The following CADPS variants were observed in gnomAD, a reference collection of about 807,000 sequenced individuals.
CADPS encodes calcium-dependent secretion activator 1.
CADPS carries 57 observed loss-of-function variants against 167.3 expected under a neutral mutation model. The observed-to-expected ratio is 0.34, with a 90% CI of 0.28 to 0.42. The LOEUF (loss-of-function observed/expected upper bound fraction) is 0.42. Ranked by LOEUF, CADPS falls within the 20% of genes least tolerant of loss-of-function variation. The pLI, the probability that CADPS is intolerant of heterozygous loss-of-function variation, is 1.00. For missense variants in CADPS, 1,414 were observed against 1,738.1 expected (o/e 0.81, Z 3.32); for synonymous variants, 676 against 635.3 (o/e 1.06, Z -0.96).
chr3:62,789,251 G>A (rs2092728226), intron 1 of CADPS, among the ~76,000 whole-genome samples: 2 of 152,066 alleles, frequency 1.3e-5, no homozygotes, highest in African/African-American at 4.8e-5. Context: ...ACAATACTGA[G>A]AAATAAGCAC....
intron 3 of CADPS, among the ~76,000 whole-genome samples, chr3:62,720,192 A>G (rs1309750383): frequency 6.6e-6 from 1 of 152,146 alleles, no homozygotes; most frequent in Non-Finnish European, 1.5e-5. Context: ...ATAGATAGCA[A>G]CAACAATAAT....
chr3:62,579,211 G>A (rs552293996), intron 8 of CADPS, among the ~76,000 whole-genome samples: 45 of 152,300 alleles, frequency 3.0e-4, no homozygotes, highest in Middle Eastern at 6.8e-3. Context: ...GTTAAGGTTG[G>A]ATCGAAAGCA....
chr3:62,748,466 T>G (rs1427775563), intron 3 of CADPS, among the ~76,000 whole-genome samples: 3 of 151,682 alleles, frequency 2.0e-5, no homozygotes, highest in Non-Finnish European at 4.4e-5. Context: ...TAGTTAAGGA[T>G]AACTTATAAA....
intron 9 of CADPS, among the ~76,000 whole-genome samples, chr3:62,560,552 A>C (rs1464700484): frequency 1.3e-5 from 2 of 152,162 alleles, no homozygotes; most frequent in Non-Finnish European, 2.9e-5. Flanking sequence ...AGACATCTGA[A>C]AGTGCACTTT....
chr3:62,499,526 G>T (rs533712808), intron 17 of CADPS: 2 of 277,662 alleles, frequency 7.2e-6, no homozygotes, highest in Admixed American at 4.5e-5. Flanking sequence ...GTCTATGACA[G>T]CCCATATCAA....
intron 3 of CADPS, among the ~76,000 whole-genome samples, chr3:62,722,089 A>G (rs1359321163): frequency 6.6e-6 from 1 of 152,246 alleles, no homozygotes; most frequent in Non-Finnish European, 1.5e-5. Flanking sequence ...AGTTGAGGAA[A>G]TGCAGGCTTG....
intron 9 of CADPS, 104 bp downstream of exon 9, chr3:62,570,768 T>A: frequency 2.5e-6 from 2 of 789,230 alleles, no homozygotes; most frequent in Non-Finnish European, 4.4e-6. Context: ...TTAAGCTAAA[T>A]GCATGAGCTC....
intron 1 of CADPS, among the ~76,000 whole-genome samples, chr3:62,849,052 G>A (rs1202913116): frequency 1.3e-5 from 2 of 149,962 alleles, no homozygotes; most frequent in Non-Finnish European, 1.5e-5. Flanking sequence ...ATTGTGAATG[G>A]GAGTTCACTC....
intron 9 of CADPS, among the ~76,000 whole-genome samples, chr3:62,559,623 T>G (rs1384035219): frequency 6.6e-6 from 1 of 152,034 alleles, no homozygotes; most frequent in Non-Finnish European, 1.5e-5. Context: ...GCCTCCTGAG[T>G]AGCTGGGATT....
At position 62,433,018 on chromosome 3, in the gene CADPS, C is replaced by T. The variant is rs927649157; in HGVS notation, c.3777+5086G>A. Among the ~76,000 whole-genome samples the T allele has an allele frequency of 6.6e-6, 1 of 152,122 alleles. No homozygotes were observed. The highest frequency in any genetic ancestry group is 2.4e-5 in the African/African-American group (1 of 41,420). On this transcript the variant is annotated intron_variant, in intron 28 of 29. Coordinates refer to ENST00000383710, the MANE Select transcript of CADPS (RefSeq NM_003716.4). The surrounding 1 kb of genome is among the most constrained non-coding windows in gnomAD (Gnocchi z 4.7). ...ACTTCATATTTTTGGAAGTGGTTTCCCTTACCTGGACAGCTGGTGATATAC... is the reference window on the plus strand; with the variant it reads ...ACTTCATATTTTTGGAAGTGGTTTCTCTTACCTGGACAGCTGGTGATATAC...
chr3:62,414,897 C>A (rs2049719542), intron 28 of CADPS, among the ~76,000 whole-genome samples: 1 of 151,986 alleles, frequency 6.6e-6, no homozygotes, highest in Non-Finnish European at 1.5e-5. Flanking sequence ...CAAACCCACT[C>A]TCCCCTCAAA....
Position 62,399,613 on chromosome 3 carries a change from G to A in CADPS, c.3883-28C>T, listed in dbSNP as rs773221741. The A allele has an allele frequency of 1.8e-5, 28 of 1,590,322 alleles. No individual in the cohort carries two copies. The highest frequency in any genetic ancestry group is 2.2e-5 in the Non-Finnish European group (26 of 1,159,576). Reference sequence around the variant, plus strand: ...AAGGAAGGAAAAGATACAGTGATAAGAGAGATCTCATCTCCATGATGGGGA... The same window carrying A: ...AAGGAAGGAAAAGATACAGTGATAAAAGAGATCTCATCTCCATGATGGGGA... On this transcript the variant is annotated intron_variant, in intron 29 of 29. Coordinates refer to ENST00000383710, the MANE Select transcript of CADPS (RefSeq NM_003716.4). This position sits in a 1 kb window ranked among gnomAD's most constrained non-coding sequence, Gnocchi z 5.6.
In CADPS at chr3:62,478,270, C is replaced by G; in HGVS notation, c.3320G>C (p.Cys1107Ser). The change falls in exon 23 of 30, where the codon TGT (cysteine) becomes TCT (serine). Residue 1107 changes from cysteine to serine, a missense_variant. Transcript: ENST00000383710. This position sits in a 1 kb window ranked among gnomAD's most constrained non-coding sequence, Gnocchi z 5.7. ...KLMASDMIES[C>S]VKRTRIAFEV... ...AGCCACCTATACTTACCTTTTGACA[C>G]AAGATTCGATCATGTCACTTGCCAT... The G allele has an allele frequency of 6.2e-7, 1 of 1,613,748 alleles. No homozygotes were observed. Among genetic ancestry groups the G allele is most frequent in the Non-Finnish European group, 8.5e-7 (1 of 1,179,808 alleles).
intron 3 of CADPS, among the ~76,000 whole-genome samples, chr3:62,690,514 T>C (rs1325599036): frequency 6.6e-6 from 1 of 151,856 alleles, no homozygotes; most frequent in African/African-American, 2.4e-5. Flanking sequence ...GACTTGTCAA[T>C]ACAATGCAGC....
intron 24 of CADPS, among the ~76,000 whole-genome samples, chr3:62,467,831 A>C (rs147284235): frequency 1.3e-5 from 2 of 152,158 alleles, no homozygotes; most frequent in African/African-American, 2.4e-5. Context: ...CTTCAGACTC[A>C]TAAGTCTCTG....
At chr3:62,615,552 T>A (rs542715313) in intron 6 of CADPS, among the ~76,000 whole-genome samples, 28 of 152,270 alleles carry the variant, frequency 1.8e-4, no homozygotes, top group Admixed American at 6.5e-4. Flanking sequence ...TCAGCCACAG[T>A]CAAGAAGACT....
intron 19 of CADPS, among the ~76,000 whole-genome samples, chr3:62,492,739 A>C (rs969882157): frequency 2.0e-5 from 3 of 152,200 alleles, no homozygotes; most frequent in African/African-American, 7.2e-5. Context: ...ACAATAACTC[A>C]GTACATTTTG....
intron 10 of CADPS, among the ~76,000 whole-genome samples, 172 bp downstream of exon 10, chr3:62,557,233 G>A (rs192321997): frequency 9.2e-4 from 140 of 152,156 alleles, no homozygotes; most frequent in African/African-American, 3.0e-3. Context: ...TTAACCAACC[G>A]GGATGGAAAC....
intron 28 of CADPS, among the ~76,000 whole-genome samples, chr3:62,430,889 T>C (rs1320039279): frequency 6.6e-6 from 1 of 152,032 alleles, no homozygotes; most frequent in East Asian, 1.9e-4. Flanking sequence ...AGAGTTTACT[T>C]TGGGGCTCGA....
Sources: gnomAD v4.1 joint callset for allele counts (sites outside exome capture counted in the v4.1 genomes callset) on GRCh38, gnomAD v4.1.1 for gene constraint, Gnocchi (gnomAD v3.1) non-coding constraint, MANE v1.5 for transcripts, NCBI Gene and HGNC (gene_info 2026-07-23, HGNC 2026-07-21) for gene names.